GRB10: variants seen among roughly 807,000 people sequenced by gnomAD.
GRB10 encodes the protein growth factor receptor bound protein 10.
Under a neutral mutation model 80.9 loss-of-function variants are expected in GRB10, and 20 were observed. The observed-to-expected ratio is 0.25, with a 90% CI of 0.17 to 0.36. GRB10 has a LOEUF of 0.36. Among genes scored for constraint, GRB10 ranks in the 10% least tolerant of loss-of-function variants. The probability of loss-of-function intolerance (pLI) is 1.00; values close to 1 mark genes in which losing one functional copy is unlikely to be tolerated. For missense variants in GRB10, 548 were observed against 747.7 expected, an observed-to-expected ratio of 0.73 and a Z score of 3.12; for synonymous variants, 291 against 291.5, an observed-to-expected ratio of 1.00 and a Z score of 0.02.
chr7:50,613,170 G>C (rs2049890956), intron 12 of GRB10, among the ~76,000 whole-genome samples: 1 of 152,200 alleles, frequency 6.6e-6, no homozygotes, highest in Non-Finnish European at 1.5e-5. Flanking sequence ...CAAAGAGGAA[G>C]AGGCATCTAA....
intron 7 of GRB10, among the ~76,000 whole-genome samples, chr7:50,656,227 CAT>C (rs1184894609): frequency 6.6e-6 from 1 of 152,214 alleles, no homozygotes; most frequent in East Asian, 1.9e-4. Flanking sequence ...GATGTGCACA[CAT>C]GTGAGGGGTT....
chr7:50,699,928 G>A (rs1477063642), intron 5 of GRB10, among the ~76,000 whole-genome samples: 2 of 152,116 alleles, frequency 1.3e-5, no homozygotes, highest in Admixed American at 1.3e-4. Context: ...GAGGTCAGGA[G>A]ATCGAGACCA....
intron 13 of GRB10, among the ~76,000 whole-genome samples, chr7:50,610,424 A>G (rs570489363): frequency 1.3e-5 from 2 of 152,344 alleles, no homozygotes; most frequent in East Asian, 3.9e-4. Flanking sequence ...TCCTATAAGA[A>G]TAGTACCTAA....
chr7:50,595,571 A>G, intron 17 of GRB10, 41 bp from the exon 18 acceptor site: 1 of 1,013,770 alleles, frequency 9.9e-7, no homozygotes, highest in Non-Finnish European at 1.6e-6. Flanking sequence ...ATATTTTAAA[A>G]TCTGGAACTA....
At chr7:50,773,845 T>G (rs2077289075) in intron 2 of GRB10, among the ~76,000 whole-genome samples, 1 of 151,814 alleles carries the variant, frequency 6.6e-6, no homozygotes, top group Non-Finnish European at 1.5e-5. Context: ...ACAAGGGAAT[T>G]TATTTGTTTG....
intron 3 of GRB10, among the ~76,000 whole-genome samples, chr7:50,742,583 T>C (rs186482140): frequency 4.9e-4 from 75 of 152,254 alleles, no homozygotes; most frequent in South Asian, 2.7e-3. Flanking sequence ...TGTGGTCCCA[T>C]AACATGTGTT....
intron 18 of GRB10, among the ~76,000 whole-genome samples, chr7:50,593,380 G>A (rs200700258): frequency 1.3e-4 from 20 of 152,234 alleles, no homozygotes; most frequent in African/African-American, 4.1e-4. Context: ...GGAAGGGCTC[G>A]AAGTTGCCCC....
chr7:50,668,522 C>A (rs995918514), intron 7 of GRB10, among the ~76,000 whole-genome samples: 7 of 152,152 alleles, frequency 4.6e-5, no homozygotes, highest in African/African-American at 1.4e-4. Context: ...CTTACAGGGG[C>A]CTCCCTTCCC....
intron 7 of GRB10, among the ~76,000 whole-genome samples, chr7:50,632,736 G>C (rs2054239958): frequency 6.6e-6 from 1 of 152,136 alleles, no homozygotes; most frequent in Non-Finnish European, 1.5e-5. Flanking sequence ...AGTGTGAGCT[G>C]GCAGTCTCCA....
At chr7:50,678,615 CAG>C (rs1233274948) in intron 5 of GRB10, among the ~76,000 whole-genome samples, 2 of 152,140 alleles carry the variant, frequency 1.3e-5, no homozygotes, top group Non-Finnish European at 2.9e-5. Flanking sequence ...ATCTTCCAAA[CAG>C]GGGTTTTAAA....
intron 3 of GRB10, among the ~76,000 whole-genome samples, chr7:50,743,042 T>C (rs2072180905): frequency 6.6e-6 from 1 of 152,162 alleles, no homozygotes; most frequent in Non-Finnish European, 1.5e-5. Flanking sequence ...AAAAAAATAA[T>C]AACTCTTGGG....
intron 3 of GRB10, among the ~76,000 whole-genome samples, chr7:50,732,997 G>T (rs1275503189): frequency 1.3e-5 from 2 of 152,158 alleles, no homozygotes; most frequent in African/African-American, 4.8e-5. Flanking sequence ...CCTGTTATGG[G>T]ATGAACTGTA....
intron 6 of GRB10, among the ~76,000 whole-genome samples, chr7:50,672,806 C>T (rs748403222): frequency 7.2e-5 from 11 of 152,060 alleles, no homozygotes; most frequent in Non-Finnish European, 1.5e-4. Flanking sequence ...CTGTGATGCT[C>T]CCAAGAGATG....
At chr7:50,790,946 G>C (rs1240491691) in intron 1 of GRB10, among the ~76,000 whole-genome samples, 2 of 152,176 alleles carry the variant, frequency 1.3e-5, no homozygotes, top group Non-Finnish European at 2.9e-5. Flanking sequence ...TCTCCTACTG[G>C]AGGCTGAGTA....
intron 5 of GRB10, among the ~76,000 whole-genome samples, chr7:50,687,697 C>G (rs1047154099): frequency 1.3e-5 from 2 of 152,338 alleles, no homozygotes; most frequent in South Asian, 2.1e-4. Flanking sequence ...TTCTAAGGCA[C>G]AGCAGCTGCC....
At chr7:50,771,947 T>C (rs1436817184) in intron 2 of GRB10, among the ~76,000 whole-genome samples, 1 of 152,230 alleles carries the variant, frequency 6.6e-6, no homozygotes, top group Non-Finnish European at 1.5e-5. Flanking sequence ...AGAAAGTTCT[T>C]ACCTGTAGGA....
At chr7:50,608,478 A>G (rs530212974) in intron 13 of GRB10, among the ~76,000 whole-genome samples, 146 of 152,374 alleles carry the variant, frequency 9.6e-4, no homozygotes, top group African/African-American at 3.5e-3. Context: ...ATGCAAATTT[A>G]GGAAATATTA....
intron 7 of GRB10, among the ~76,000 whole-genome samples, chr7:50,637,721 A>C (rs1245229521): frequency 3.0e-5 from 1 of 33,610 alleles, no homozygotes; most frequent in Non-Finnish European, 6.8e-5. Context: ...TGTGGAACAA[A>C]AAAAAAAAAA....
At chr7:50,790,472 A>G (rs2078864614) in intron 1 of GRB10, among the ~76,000 whole-genome samples, 1 of 152,276 alleles carries the variant, frequency 6.6e-6, no homozygotes, top group Admixed American at 6.5e-5. Context: ...GACAAGGCAA[A>G]TATGTTCTCC....
Sources: gnomAD v4.1 joint callset for allele counts (sites outside exome capture counted in the v4.1 genomes callset) on GRCh38, gnomAD v4.1.1 for gene constraint, MANE v1.5 for transcripts, NCBI Gene and HGNC (gene_info 2026-07-23, HGNC 2026-07-21) for gene names.